Variants in UMAD1 observed in about 807,000 individuals in gnomAD.
UMAD1 encodes UBAP1-MVB12-associated (UMA) domain containing 1.
A neutral mutation model predicts 6.1 loss-of-function variants in UMAD1; 8 were observed. The observed-to-expected ratio is 1.30, with a 90% confidence interval of 0.76 to 2.35. UMAD1 has a LOEUF of 2.35. Ranked by LOEUF, UMAD1 falls within the 30% of genes most tolerant of loss-of-function variation. The pLI is 0.00. For synonymous variants in UMAD1, 56 were observed against 31.4 expected, an observed-to-expected ratio of 1.78 and a Z score of -2.61; for missense variants, 130 against 78.4, an observed-to-expected ratio of 1.66 and a Z score of -2.49.
At chr7:7,775,815 A>T (rs77850839) in intron 2 of UMAD1, among the ~76,000 whole-genome samples, 4,012 of 152,320 alleles carry the variant, frequency 0.026, 165 homozygotes, top group African/African-American at 0.091. Context: ...CTCAGGAGAA[A>T]TGAAAAAATA....
chr7:7,842,910 A>C lies in UMAD1; in HGVS notation c.157-34371A>C, dbSNP rs1322088638. On this transcript the variant is annotated intron_variant, in intron 3 of 3. Transcript: ENST00000682710. The stretch of plus-strand genomic sequence containing the variant: ...CATGCCCTCCCAGACCTCTCAGTCT[A>C]TAGGGGACAAAGGTAGTTACAAAAC... Among the ~76,000 whole-genome samples the C allele has an allele frequency of 5.3e-5, 8 of 152,198 alleles. No individual in the cohort carries two copies. In the East Asian group the frequency reaches 1.5e-3, roughly 29 times the overall value.
At chr7:7,677,856 G>A (rs1341691902) in intron 2 of UMAD1, among the ~76,000 whole-genome samples, 2 of 150,918 alleles carry the variant, frequency 1.3e-5, no homozygotes, top group African/African-American at 4.9e-5. Context: ...TGTATTTTTA[G>A]TAGAGACGGG....
At chr7:7,666,289 G>A (rs552573104) in intron 1 of UMAD1, among the ~76,000 whole-genome samples, 5 of 151,790 alleles carry the variant, frequency 3.3e-5, no homozygotes, top group East Asian at 1.9e-4. Flanking sequence ...TTGCATGCTC[G>A]ACATCCTGGT....
At chr7:7,792,456 A>G (rs1469070699) in intron 2 of UMAD1, among the ~76,000 whole-genome samples, 1 of 152,248 alleles carries the variant, frequency 6.6e-6, no homozygotes, top group Non-Finnish European at 1.5e-5. Flanking sequence ...GGGAAACTAA[A>G]CTGAATTGGA....
intron 2 of UMAD1, among the ~76,000 whole-genome samples, chr7:7,754,040 C>T (rs1048051205): frequency 6.6e-6 from 1 of 152,058 alleles, no homozygotes; most frequent in Admixed American, 6.6e-5. Flanking sequence ...AAAAAATTAG[C>T]TGAGCGTGGT....
intron 2 of UMAD1, among the ~76,000 whole-genome samples, chr7:7,755,616 T>C (rs779538422): frequency 1.2e-4 from 19 of 152,206 alleles, no homozygotes; most frequent in Non-Finnish European, 2.1e-4. Context: ...AGAAAAGGCT[T>C]TTGTATTGGC....
intron 3 of UMAD1, among the ~76,000 whole-genome samples, chr7:7,846,702 T>C (rs1783789580): frequency 1.3e-5 from 2 of 152,086 alleles, no homozygotes; most frequent in African/African-American, 4.8e-5. Flanking sequence ...TCGAAACCAA[T>C]ACTTTTCAAT....
intron 1 of UMAD1, among the ~76,000 whole-genome samples, chr7:7,655,790 G>A (rs922984428): frequency 6.6e-6 from 1 of 151,554 alleles, no homozygotes; most frequent in Non-Finnish European, 1.5e-5. Flanking sequence ...ATTTTTGTAG[G>A]TATATAGTAA....
chr7:7,823,177 C>T (rs572063965), intron 3 of UMAD1, among the ~76,000 whole-genome samples: 2 of 152,088 alleles, frequency 1.3e-5, no homozygotes, highest in African/African-American at 2.4e-5. Flanking sequence ...TCATAATCCC[C>T]TAATATGTAG....
chr7:7,829,789 A>G (rs1783425042), intron 3 of UMAD1, among the ~76,000 whole-genome samples: 1 of 152,208 alleles, frequency 6.6e-6, no homozygotes, highest in African/African-American at 2.4e-5. Flanking sequence ...AAAAGCATGT[A>G]GTATCAGCTT....
At chr7:7,670,692 C>A (rs1395332931) in intron 1 of UMAD1, among the ~76,000 whole-genome samples, 1 of 152,178 alleles carries the variant, frequency 6.6e-6, no homozygotes, top group Admixed American at 6.5e-5. Context: ...TACTCTTGGT[C>A]TGGAGACTTC....
chr7:7,868,605 G>T (rs976343297), intron 3 of UMAD1: 2 of 151,932 alleles, frequency 1.3e-5, no homozygotes, highest in African/African-American at 4.8e-5. Flanking sequence ...TCATGAGCCA[G>T]AAGGTAAACC....
At chr7:7,852,418 A>G (rs946124823) in intron 3 of UMAD1, among the ~76,000 whole-genome samples, 30 of 152,102 alleles carry the variant, frequency 2.0e-4, no homozygotes, top group Non-Finnish European at 2.5e-4. Context: ...TGTGGGCTCA[A>G]TCCCCAAGAT....
chr7:7,685,790 T>C (rs1360513413), intron 2 of UMAD1: 1 of 152,238 alleles, frequency 6.6e-6, no homozygotes, highest in Admixed American at 6.5e-5. Flanking sequence ...ATTTAAGTGT[T>C]TTCTTCCTTC....
chr7:7,712,735 T>A lies in UMAD1; in HGVS notation c.82+39282T>A, dbSNP rs117129795. On this transcript the variant is annotated intron_variant, in intron 2 of 3. Transcript: ENST00000682710. ...GAAGAGAAGTGTCAAAGAAAACATC[T>A]TTTCCCCACTTTTGATTGTAAAAAG... Among the ~76,000 whole-genome samples, 941 of 152,324 alleles carry A rather than the reference T, an allele frequency of 6.2e-3. 7 individuals carry two copies. Among genetic ancestry groups the A allele is most frequent in the Non-Finnish European group, 0.01 (688 of 68,030 alleles).
intron 2 of UMAD1, among the ~76,000 whole-genome samples, chr7:7,781,538 T>C (rs893158975): frequency 5.9e-5 from 9 of 152,074 alleles, no homozygotes; most frequent in Non-Finnish European, 1.2e-4. Flanking sequence ...TATTTAATTA[T>C]TTTTTATGAA....
intron 2 of UMAD1, among the ~76,000 whole-genome samples, chr7:7,696,588 TC>T (rs942005383): frequency 1.3e-5 from 2 of 152,116 alleles, no homozygotes; most frequent in Non-Finnish European, 2.9e-5. Context: ...GTGTCAACTG[TC>T]TGAAATTTAT....
chr7:7,773,008 C>G (rs1049342357), intron 2 of UMAD1, among the ~76,000 whole-genome samples: 2 of 152,000 alleles, frequency 1.3e-5, no homozygotes, highest in Non-Finnish European at 2.9e-5. Flanking sequence ...TTTGCTACTT[C>G]AGGATATCAT....
At chr7:7,852,650 G>T (rs10243090) in intron 3 of UMAD1, among the ~76,000 whole-genome samples, 2 of 152,076 alleles carry the variant, frequency 1.3e-5, no homozygotes, top group African/African-American at 2.4e-5. Flanking sequence ...GTCTGGAAGG[G>T]TCATGAGCAC....
Sources: allele counts gnomAD v4.1 joint callset (sites outside exome capture counted in the v4.1 genomes callset), GRCh38; gene constraint gnomAD v4.1.1; transcripts MANE v1.5; gene names NCBI Gene and HGNC (gene_info 2026-07-23, HGNC 2026-07-21).